The following SYT1 variants were observed in gnomAD, a reference collection of about 807,000 sequenced individuals.
SYT1 encodes the protein synaptotagmin 1.
SYT1 carries 8 observed loss-of-function variants against 44.8 expected under a neutral mutation model. The ratio of observed to expected loss-of-function variants is 0.18; its 90% CI spans 0.10 to 0.32. SYT1 has a LOEUF of 0.32. Among genes scored for constraint, SYT1 ranks in the 10% least tolerant of loss-of-function variants. The pLI is 1.00. For missense variants in SYT1, 286 were observed against 509.3 expected, an observed-to-expected ratio of 0.56 and a Z score of 4.22; for synonymous variants, 154 against 188.8, an observed-to-expected ratio of 0.82 and a Z score of 1.51.
chr12:79,273,271 T>G (rs777579774), intron 4 of SYT1, among the ~76,000 whole-genome samples: 5 of 151,806 alleles, frequency 3.3e-5, no homozygotes, highest in Non-Finnish European at 5.9e-5. Context: ...ATGCACAACA[T>G]CCAGCTATTT....
At chr12:78,919,196 T>TA (rs991336961) in intron 1 of SYT1, among the ~76,000 whole-genome samples, 3 of 151,830 alleles carry the variant, frequency 2.0e-5, no homozygotes, top group Admixed American at 6.6e-5. Context: ...AAATTTTTTT[T>TA]AAAAAAAGTT....
chr12:79,266,510 C>G (rs1427216305), intron 4 of SYT1, among the ~76,000 whole-genome samples: 2 of 152,032 alleles, frequency 1.3e-5, no homozygotes, highest in African/African-American at 2.4e-5. Flanking sequence ...CTTACAGTTG[C>G]AGTGCTTAGA....
At chr12:79,209,313 C>A (rs571724263) in intron 3 of SYT1, among the ~76,000 whole-genome samples, 22 of 152,272 alleles carry the variant, frequency 1.4e-4, no homozygotes, top group African/African-American at 5.3e-4. Flanking sequence ...TAAATGAAAG[C>A]TTTGACAGTG....
At chr12:79,181,252 G>T (rs1424796163) in intron 3 of SYT1, among the ~76,000 whole-genome samples, 1 of 151,980 alleles carries the variant, frequency 6.6e-6, no homozygotes, top group Non-Finnish European at 1.5e-5. Flanking sequence ...GAGGACACAG[G>T]TTCAAATGAT....
chr12:78,924,152 A>T (rs1029279829), intron 1 of SYT1, among the ~76,000 whole-genome samples: 2 of 151,916 alleles, frequency 1.3e-5, no homozygotes, highest in African/African-American at 2.4e-5. Flanking sequence ...AGAAGTGATG[A>T]TGTGTCTTTT....
intron 3 of SYT1, among the ~76,000 whole-genome samples, chr12:79,143,814 T>A (rs1281678987): frequency 6.6e-6 from 1 of 152,210 alleles, no homozygotes; most frequent in Non-Finnish European, 1.5e-5. Context: ...AGATACTGAT[T>A]ACAGGCCTGT....
At chr12:79,239,711 G>A (rs1034020493) in intron 4 of SYT1, among the ~76,000 whole-genome samples, 2 of 152,144 alleles carry the variant, frequency 1.3e-5, no homozygotes, top group African/African-American at 4.8e-5. Context: ...GCCTAACAGG[G>A]TCCTCTGCTC....
At chr12:79,095,238 C>T (rs7972593) in intron 3 of SYT1, among the ~76,000 whole-genome samples, 16,731 of 151,802 alleles carry the variant, frequency 0.11, 988 homozygotes, top group African/African-American at 0.12. Context: ...CTAATTCTTA[C>T]AAGTATTTAT....
At position 79,307,783 on chromosome 12, in the gene SYT1, C is replaced by G. The variant is rs147475606; in HGVS notation, c.810+8232C>G. 8.5e-3 allele frequency among the ~76,000 whole-genome samples: 1,289 copies of G among 152,340 alleles called. 13 individuals are homozygous for G. The highest frequency in any genetic ancestry group is 0.029 in the African/African-American group (1,215 of 41,572). On this transcript the variant is annotated intron_variant, in intron 8 of 10. Coordinates refer to ENST00000261205, the MANE Select transcript of SYT1 (RefSeq NM_005639.3). ...CTTGCCTAACGGCATGTATGACTTGCATGATCTCTCTAAAGCTGAACTGGC... is the reference window on the plus strand; with the variant it reads ...CTTGCCTAACGGCATGTATGACTTGGATGATCTCTCTAAAGCTGAACTGGC...
chr12:79,316,838 A>G lies in SYT1; in HGVS notation c.810+17287A>G, dbSNP rs114767797. 7.8e-3 allele frequency among the ~76,000 whole-genome samples: 1,187 copies of G among 152,338 alleles called. 11 individuals are homozygous for G. The highest frequency in any genetic ancestry group is 0.025 in the African/African-American group (1,057 of 41,582). ...TAAGCTTCTTATAAGTGAGGAAAGC[A>G]TCTTAGCACTTTTGCACATCACAGT... On this transcript the variant is annotated intron_variant, in intron 8 of 10. Coordinates refer to ENST00000261205, the MANE Select transcript of SYT1 (RefSeq NM_005639.3).
At chr12:78,902,900 C>T (rs1030316021) in intron 1 of SYT1, among the ~76,000 whole-genome samples, 1 of 152,028 alleles carries the variant, frequency 6.6e-6, no homozygotes. Flanking sequence ...ACTGGATGCA[C>T]CATTTTCTGA....
rs1269953015 is a variant in SYT1, at chr12:79,179,173, TAG to T, written c.-17-38328_-17-38327del. ...ATATATAGATATATAGATATAGATA[TAG>T]ATATATAGATATAGATATAGATATA... On this transcript the variant is annotated intron_variant, in intron 3 of 10. Coordinates refer to ENST00000261205, the MANE Select transcript of SYT1 (RefSeq NM_005639.3). 1.0e-3 allele frequency among the ~76,000 whole-genome samples: 84 copies of T among 81,920 alleles called. 9 individuals carry two copies. The highest frequency in any genetic ancestry group is 3.0e-3 in the African/African-American group (75 of 25,352). 53.7% of individuals were successfully genotyped at this position (81,920 alleles called of 152,430 possible).
At chr12:79,013,595 A>G (rs73148239) in intron 2 of SYT1, among the ~76,000 whole-genome samples, 4,265 of 152,240 alleles carry the variant, frequency 0.028, 87 homozygotes, top group Non-Finnish European at 0.042. Flanking sequence ...ATTTCACTAT[A>G]TTTCCTGCGT....
In SYT1 at chr12:78,956,354, A is replaced by G. The variant is rs117981762; in HGVS notation, c.-216-21445A>G. 6.9e-4 allele frequency among the ~76,000 whole-genome samples: 105 copies of G among 151,648 alleles called. 2 individuals are homozygous for G. The East Asian group carries it at 0.019, about 27-fold the overall frequency. ...CCTAGCTCTTCTCCTTTTTTTTTCC[A>G]TGATGGGCAATTTGTTTAACTTCCC... On this transcript the variant is annotated intron_variant, in intron 1 of 10. Transcript: ENST00000261205.
intron 1 of SYT1, among the ~76,000 whole-genome samples, chr12:78,961,693 G>C (rs1476661317): frequency 6.6e-6 from 1 of 152,084 alleles, no homozygotes; most frequent in Non-Finnish European, 1.5e-5. Flanking sequence ...ATGACAACTT[G>C]AAACTATTTA....
intron 1 of SYT1, among the ~76,000 whole-genome samples, chr12:78,889,093 C>T (rs1336952989): frequency 1.3e-5 from 2 of 151,626 alleles, no homozygotes; most frequent in African/African-American, 4.8e-5. Context: ...AAAATCAAGA[C>T]TTATTTGAGA....
chr12:79,115,757 A>C (rs1383245677), intron 3 of SYT1, among the ~76,000 whole-genome samples: 1 of 152,206 alleles, frequency 6.6e-6, no homozygotes, highest in Non-Finnish European at 1.5e-5. Context: ...GCAATGCCAG[A>C]TATCCTTTGT....
At chr12:79,024,562 A>G (rs548992626) in intron 2 of SYT1, among the ~76,000 whole-genome samples, 4 of 151,782 alleles carry the variant, frequency 2.6e-5, no homozygotes, top group Non-Finnish European at 5.9e-5. Flanking sequence ...TTTGTTCAAC[A>G]CTCATTCATT....
chr12:79,056,893 A>C (rs1217690177), intron 3 of SYT1, among the ~76,000 whole-genome samples: 1 of 151,856 alleles, frequency 6.6e-6, no homozygotes, highest in Admixed American at 6.6e-5. Flanking sequence ...TCAAATGAAA[A>C]TTTTCATATT....
Sources: allele counts gnomAD v4.1 joint callset (sites outside exome capture counted in the v4.1 genomes callset), GRCh38; gene constraint gnomAD v4.1.1; transcripts MANE v1.5; gene names NCBI Gene and HGNC (gene_info 2026-07-23, HGNC 2026-07-21).